The following DOT1L variants were observed in gnomAD, a reference collection of about 807,000 sequenced individuals.
DOT1L encodes DOT1 like histone lysine methyltransferase, also known as histone-lysine N-methyltransferase, H3 lysine-79 specific.
In DOT1L, 33 loss-of-function variants were observed where a neutral mutation model predicts 153.3. The observed-to-expected ratio is 0.22, with a 90% CI of 0.16 to 0.29. DOT1L has a LOEUF of 0.29. Among genes scored for constraint, DOT1L ranks in the 10% least tolerant of loss-of-function variants. The pLI is 1.00. For missense variants in DOT1L, 1,847 were observed against 2,119.9 expected, an observed-to-expected ratio of 0.87 and a Z score of 2.53; for synonymous variants, 1,135 against 965.1, an observed-to-expected ratio of 1.18 and a Z score of -3.26.
chr19:2,226,880 C>T lies in DOT1L; in HGVS notation c.4359C>T (p.Gly1453=), dbSNP rs372208069. The part of the protein sequence containing the change: ...GLAPAASSAG[G]AASSAQTHRS... ...CCCCGGCGGCGTCCTCCGCAGGCGG[C>T]GCGGCGTCCTCCGCCCAGACGCACC... is the stretch of plus-strand genomic sequence containing the variant. Residue 1453 remains glycine (G), a synonymous_variant, in exon 27 of 28, where the codon GGC becomes GGT. Coordinates refer to ENST00000398665, the MANE Select transcript of DOT1L (RefSeq NM_032482.3). 3.6e-5 allele frequency: 56 copies of T among 1,572,620 alleles called. No individual in the cohort carries two copies. The East Asian group carries it at 8.5e-4, about 24-fold the overall frequency.
rs528234765 is a variant in DOT1L, at chr19:2,230,853, G to T, written c.*1061G>T. 1 of 348,572 alleles carries T rather than the reference G, an allele frequency of 2.9e-6. No homozygotes were observed. The highest frequency in any genetic ancestry group is 4.1e-5 in the East Asian group (1 of 24,298). The allele number at this position is 348,572 out of a possible 1,614,324, so 21.6% of individuals were successfully genotyped here. A position where few individuals can be genotyped will look rare whatever the true frequency, so the allele number is the denominator to read the frequency against. The stretch of plus-strand genomic sequence containing the variant: ...CAGCAGCCCAGACAGAGCTGCCGGC[G>T]CCCCTGCCTGCCCCACATCCCTTCC... On this transcript the variant is annotated 3_prime_UTR_variant, in exon 28 of 28. Coordinates refer to ENST00000398665, the MANE Select transcript of DOT1L (RefSeq NM_032482.3).
intron 1 of DOT1L, among the ~76,000 whole-genome samples, chr19:2,167,910 T>G (rs536045344): frequency 1.3e-5 from 2 of 152,050 alleles, no homozygotes; most frequent in Admixed American, 1.3e-4. Flanking sequence ...TTATTTTGTA[T>G]TTTTAGTAGA....
At chr19:2,174,994 G>GTA (rs1555715371) in intron 1 of DOT1L, among the ~76,000 whole-genome samples, 67 of 80,496 alleles carry the variant, frequency 8.3e-4, no homozygotes, top group African/African-American at 2.7e-3. Flanking sequence ...GTGTGTGTGT[G>GTA]TATATATATA....
chr19:2,167,575 C>G (rs1391996616), intron 1 of DOT1L, among the ~76,000 whole-genome samples: 1 of 152,236 alleles, frequency 6.6e-6, no homozygotes, highest in Admixed American at 6.5e-5. Flanking sequence ...TCTTCCTGCT[C>G]TGGTTGGCCC....
intron 3 of DOT1L, among the ~76,000 whole-genome samples, chr19:2,187,900 T>C (rs6510651): frequency 0.54 from 77,181 of 143,650 alleles, 21,401 homozygotes; most frequent in Non-Finnish European, 0.62. Context: ...CCAGCCTGGG[T>C]GACAGAGCGA....
In DOT1L at chr19:2,231,183, G is replaced by A. The variant is rs183006382; in HGVS notation, c.*1391G>A. On this transcript the variant is annotated 3_prime_UTR_variant, in exon 28 of 28. Coordinates refer to ENST00000398665, the MANE Select transcript of DOT1L (RefSeq NM_032482.3). ...GTGCCCTCCCTGGAGGATGGGATCT[G>A]GGAGTCTGAGCTCCCCGCATCTGGC... 4.4e-6 allele frequency: 1 copy of A among 227,778 alleles called. No homozygotes were observed. The highest frequency in any genetic ancestry group is 8.7e-6 in the Non-Finnish European group (1 of 114,646). The allele number at this position is 227,778 out of a possible 1,614,324, so 14.1% of individuals were successfully genotyped here.
Position 2,190,673 on chromosome 19 carries a change from C to T in DOT1L, c.265-339C>T, listed in dbSNP as rs749961373. ...CCTGACGGGGGTCCCTTGGTGTCAG[C>T]GCCCCACCCTGCTGCCTTGGCCCAG... On this transcript the variant is annotated intron_variant, in intron 4 of 27. Coordinates refer to ENST00000398665, the MANE Select transcript of DOT1L (RefSeq NM_032482.3). This position sits in a 1 kb window ranked among gnomAD's most constrained non-coding sequence, Gnocchi z 4.8. 3.3e-5 allele frequency among the ~76,000 whole-genome samples: 5 copies of T among 151,756 alleles called. No individual in the cohort carries two copies. The highest frequency in any genetic ancestry group is 7.4e-5 in the Non-Finnish European group (5 of 67,904).
chr19:2,200,075 A>G, intron 8 of DOT1L, 136 bp downstream of exon 8: 1 of 1,172,680 alleles, frequency 8.5e-7, no homozygotes, highest in Non-Finnish European at 1.2e-6. Flanking sequence ...GGGGACAGGA[A>G]GGGCGCCTTT....
rs369845065 is a variant in DOT1L at position 2,194,474 on chromosome 19, C to A, written c.589-41C>A. On this transcript the variant is annotated intron_variant, in intron 6 of 27. Coordinates refer to ENST00000398665, the MANE Select transcript of DOT1L (RefSeq NM_032482.3). ...GCGTGAGCCACCGCGCCTGGCTTGC[C>A]CTGAGAGTTTGTAACGGGCGTTTGG... 3.1e-6 allele frequency: 5 copies of A among 1,613,036 alleles called. No homozygotes were observed. In the South Asian group the frequency reaches 3.3e-5, roughly 11 times the overall value.
At chr19:2,228,762 T>C in intron 27 of DOT1L, 1 of 985,384 alleles carries the variant, frequency 1.0e-6, no homozygotes, top group East Asian at 1.1e-4. Context: ...AGGTCACTCA[T>C]GACGGGTGGC....
chr19:2,230,770 CAG>C lies in DOT1L; in HGVS notation c.*979_*980del, dbSNP rs2024565903. The C allele has an allele frequency of 2.5e-6, 1 of 395,662 alleles. No individual in the cohort carries two copies. Among genetic ancestry groups the C allele is most frequent in the Admixed American group, 4.4e-5 (1 of 22,620 alleles). The allele number at this position is 395,662 out of a possible 1,614,324, so 24.5% of individuals were successfully genotyped here. On this transcript the variant is annotated 3_prime_UTR_variant, in exon 28 of 28. Coordinates refer to ENST00000398665, the MANE Select transcript of DOT1L (RefSeq NM_032482.3). Reference sequence around the variant, plus strand: ...GGGGAAAAAACCTTATTTATTCAAACAGTGCACAAAATGGCCCCAGCGTCAGC... The same window carrying C: ...GGGGAAAAAACCTTATTTATTCAAACTGCACAAAATGGCCCCAGCGTCAGC...
Position 2,194,589 on chromosome 19 carries a change from C to T in DOT1L, c.651+12C>T, listed in dbSNP as rs763715340. ...ATGCAGAATACACAGTGAGTGCCAT[C>T]GCTCCGCCCCGGCTCCCATCGCCGG... On this transcript the variant is annotated intron_variant, in intron 7 of 27. Transcript: ENST00000398665. The T allele has an allele frequency of 4.3e-5, 69 of 1,609,368 alleles. No homozygotes were observed. Among genetic ancestry groups the T allele is most frequent in the South Asian group, 5.5e-5 (5 of 91,042 alleles).
chr19:2,181,608 T>G (rs12980348), intron 2 of DOT1L, among the ~76,000 whole-genome samples: 43,150 of 152,078 alleles, frequency 0.28, 7,578 homozygotes, highest in Non-Finnish European at 0.4. Flanking sequence ...GGGTCCGTGC[T>G]TAGAATGTGG....
At chr19:2,169,419 A>C (rs776948719) in intron 1 of DOT1L, among the ~76,000 whole-genome samples, 1 of 152,176 alleles carries the variant, frequency 6.6e-6, no homozygotes, top group Non-Finnish European at 1.5e-5. Flanking sequence ...CTGGCCTGAA[A>C]GAGGTTGCAG....
intron 1 of DOT1L, among the ~76,000 whole-genome samples, chr19:2,173,333 G>A (rs561302515): frequency 1.3e-5 from 2 of 152,276 alleles, no homozygotes; most frequent in East Asian, 1.9e-4. Context: ...TCTGGTCAGC[G>A]CGTCCAGCCT....
At chr19:2,194,247 T>TG (rs1488503582) in intron 6 of DOT1L, among the ~76,000 whole-genome samples, 1 of 152,112 alleles carries the variant, frequency 6.6e-6, no homozygotes, top group African/African-American at 2.4e-5. Context: ...CTCGGCTCAC[T>TG]GCAAGCTCCG....
At position 2,229,831 on chromosome 19, in the gene DOT1L, G is replaced by A. The variant is rs1484452091; in HGVS notation, c.*39G>A. ...ACCGCGAGACCTATGCAAGGACGGT[G>A]TGGACCAACTCGCGCCCGCGGCATG... On this transcript the variant is annotated 3_prime_UTR_variant, in exon 28 of 28. Transcript: ENST00000398665. 6.2e-7 allele frequency: 1 copy of A among 1,612,896 alleles called. No homozygotes were observed. The highest frequency in any genetic ancestry group is 1.3e-5 in the African/African-American group (1 of 75,058).
chr19:2,187,186 C>T (rs1380143443), intron 3 of DOT1L, among the ~76,000 whole-genome samples: 1 of 152,212 alleles, frequency 6.6e-6, no homozygotes, highest in Non-Finnish European at 1.5e-5. Context: ...TAGAAGTTCC[C>T]AGGGATCAGG....
rs2022746003 is a variant in DOT1L, at chr19:2,190,558, T to C, written c.265-454T>C. 2.0e-5 allele frequency among the ~76,000 whole-genome samples: 3 copies of C among 152,072 alleles called. No individual in the cohort carries two copies. The highest frequency in any genetic ancestry group is 4.4e-5 in the Non-Finnish European group (3 of 67,988). The stretch of plus-strand genomic sequence containing the variant: ...TGGGCGAGAGGGGACCACCTCAGCC[T>C]GCTGCAGCTGGTGGGGAGGAAGGCG... On this transcript the variant is annotated intron_variant, in intron 4 of 27. Coordinates refer to ENST00000398665, the MANE Select transcript of DOT1L (RefSeq NM_032482.3). The surrounding 1 kb of genome is among the most constrained non-coding windows in gnomAD (Gnocchi z 4.8).
Sources: gnomAD v4.1 joint callset for allele counts (sites outside exome capture counted in the v4.1 genomes callset) on GRCh38, gnomAD v4.1.1 for gene constraint, Gnocchi (gnomAD v3.1) non-coding constraint, MANE v1.5 for transcripts, NCBI Gene and HGNC (gene_info 2026-07-23, HGNC 2026-07-21) for gene names.